P2RX7: variants seen among roughly 807,000 people sequenced by gnomAD.
P2RX7 encodes the protein purinergic receptor P2X 7.
Under a neutral mutation model 71.6 loss-of-function variants are expected in P2RX7, and 62 were observed. The observed-to-expected ratio is 0.87, with a 90% CI of 0.71 to 1.07. The LOEUF (loss-of-function observed/expected upper bound fraction) is 1.07. Ranked by LOEUF, P2RX7 falls within the 50% of genes least tolerant of loss-of-function variation. P2RX7 has a pLI of 0.00. For synonymous variants in P2RX7, 299 were observed against 283.3 expected, an observed-to-expected ratio of 1.06 and a Z score of -0.56; for missense variants, 686 against 748.5, an observed-to-expected ratio of 0.92 and a Z score of 0.97.
chr12:121,179,074 G>T (rs1199132430), intron 11 of P2RX7, among the ~76,000 whole-genome samples: 1 of 152,106 alleles, frequency 6.6e-6, no homozygotes, highest in Non-Finnish European at 1.5e-5. Context: ...TAGGGTGGGG[G>T]AGTAGGAGTA....
At chr12:121,161,053 G>C (rs1169799510) in intron 4 of P2RX7, 79 bp downstream of exon 4, 1 of 1,060,042 alleles carries the variant, frequency 9.4e-7, no homozygotes, top group Non-Finnish European at 1.5e-6. Flanking sequence ...CCCAGGTCAG[G>C]TCTTCAGCCT....
chr12:121,140,940 G>A (rs527756433), intron 1 of P2RX7, among the ~76,000 whole-genome samples: 54 of 152,128 alleles, frequency 3.5e-4, no homozygotes, highest in Admixed American at 5.9e-4. Flanking sequence ...ACAAAAATTA[G>A]CCAGACATGG....
At chr12:121,142,661 T>C (rs607094) in intron 1 of P2RX7, among the ~76,000 whole-genome samples, 17,472 of 152,096 alleles carry the variant, frequency 0.11, 1,390 homozygotes, top group African/African-American at 0.22. Flanking sequence ...ATCTTCAGAC[T>C]TCTCTGCCCT....
rs3751144 is a variant in P2RX7, at chr12:121,184,436, C to T, written c.1422C>T (p.Pro474=). The change falls in exon 13 of 13, where the codon CCC becomes CCT. Residue 474 remains proline, a synonymous_variant. Transcript: ENST00000328963. The part of the protein sequence containing the change: ...KEATPRSRDS[P]VWCQCGSCLP... ...CGACTCCTAGATCCAGGGATAGCCC[C>T]GTCTGGTGCCAGTGTGGAAGCTGCC... 156,335 of 1,613,982 alleles carry T rather than the reference C, an allele frequency of 0.097. 10,364 individuals are homozygous for T. The highest frequency in any genetic ancestry group is 0.31 in the Admixed American group (18,501 of 59,972).
chr12:121,164,783 G>GA (rs957421156), intron 5 of P2RX7, among the ~76,000 whole-genome samples: 13 of 151,458 alleles, frequency 8.6e-5, no homozygotes, highest in Non-Finnish European at 1.8e-4. Flanking sequence ...CTCCATCTCA[G>GA]AAAAAAATAA....
chr12:121,146,622 T>G (rs1195912858), intron 1 of P2RX7, among the ~76,000 whole-genome samples: 1 of 152,178 alleles, frequency 6.6e-6, no homozygotes, highest in Non-Finnish European at 1.5e-5. Flanking sequence ...GTGCACACTC[T>G]TGCTTTGCTG....
chr12:121,165,339 T>G lies in P2RX7; in HGVS notation c.534-18T>G, dbSNP rs200624061. 1.9e-6 allele frequency: 3 copies of G among 1,610,588 alleles called. No individual in the cohort carries two copies. Among genetic ancestry groups the G allele is most frequent in the African/African-American group, 1.3e-5 (1 of 74,858 alleles). On this transcript the variant is annotated intron_variant, in intron 5 of 12. Transcript: ENST00000328963. The stretch of plus-strand genomic sequence containing the variant: ...TTCCCCCCGTCACTAATGGCCATTT[T>G]GCATGTCTCTCTCCCAGGCCTGCTC...
intron 3 of P2RX7, among the ~76,000 whole-genome samples, chr12:121,160,158 C>CT (rs368803519): frequency 7.2e-6 from 1 of 139,826 alleles, no homozygotes; most frequent in East Asian, 2.1e-4. Flanking sequence ...TCCTTTCTTT[C>CT]TTTTTTTAGG....
intron 12 of P2RX7, among the ~76,000 whole-genome samples, chr12:121,183,600 C>T (rs1303838169): frequency 2.0e-5 from 3 of 150,964 alleles, no homozygotes; most frequent in African/African-American, 4.9e-5. Flanking sequence ...TACACACACA[C>T]ACACACACAC....
intron 9 of P2RX7, among the ~76,000 whole-genome samples, chr12:121,176,406 A>G (rs1883129049): frequency 6.6e-6 from 1 of 152,230 alleles, no homozygotes; most frequent in Admixed American, 6.5e-5. Context: ...GATAAGCAGG[A>G]CTAGAAGCAA....
chr12:121,150,151 C>T (rs1162356665), intron 1 of P2RX7, among the ~76,000 whole-genome samples: 1 of 152,150 alleles, frequency 6.6e-6, no homozygotes, highest in Non-Finnish European at 1.5e-5. Flanking sequence ...ATACTACAAA[C>T]TCACTTTCAT....
At chr12:121,166,536 A>G (rs908570264) in intron 7 of P2RX7, among the ~76,000 whole-genome samples, 4 of 152,102 alleles carry the variant, frequency 2.6e-5, no homozygotes, top group African/African-American at 9.7e-5. Flanking sequence ...ACTTTAAGGG[A>G]GAATCCAGTT....
chr12:121,163,292 A>C (rs1347637382), intron 5 of P2RX7, among the ~76,000 whole-genome samples: 1 of 151,742 alleles, frequency 6.6e-6, no homozygotes, highest in East Asian at 1.9e-4. Flanking sequence ...ATACTTGTAC[A>C]GTTATTGTAA....
intron 8 of P2RX7, among the ~76,000 whole-genome samples, chr12:121,174,048 CTTTTT>C (rs141344773): frequency 1.4e-5 from 1 of 73,910 alleles, no homozygotes. Context: ...CTTTTCTTTT[CTTTTT>C]TTTTTTTTTT....
Position 121,184,595 on chromosome 12 carries a change from G to A in P2RX7, c.1581G>A (p.Leu527=). Residue 527 remains leucine, a synonymous_variant, in exon 13 of 13, where the codon CTG becomes CTA. Coordinates refer to ENST00000328963, the MANE Select transcript of P2RX7 (RefSeq NM_002562.6). Reference sequence around the variant, plus strand: ...CCAGACACGTCCTGCAGTTCCTCCTGCTCTACCAGGAGCCCTTGCTGGCGC... The same window carrying A: ...CCAGACACGTCCTGCAGTTCCTCCTACTCTACCAGGAGCCCTTGCTGGCGC... ...VLSRHVLQFL[L]LYQEPLLALD... The A allele has an allele frequency of 1.2e-6, 2 of 1,613,830 alleles. No homozygotes were observed.
At chr12:121,160,756 A>C in intron 3 of P2RX7, 146 bp from the exon 4 acceptor site, 1 of 724,080 alleles carries the variant, frequency 1.4e-6, no homozygotes, top group Non-Finnish European at 2.6e-6. Context: ...GTCAGTGGCC[A>C]CTTGCGTGGT....
At chr12:121,176,237 AC>A (rs2136138831) in intron 9 of P2RX7, among the ~76,000 whole-genome samples, 1 of 134,592 alleles carries the variant, frequency 7.4e-6, no homozygotes, top group Non-Finnish European at 1.5e-5. Context: ...CAACACACAC[AC>A]ACACACACAC....
intron 8 of P2RX7, among the ~76,000 whole-genome samples, chr12:121,173,627 G>A (rs773226079): frequency 2.0e-5 from 3 of 152,214 alleles, no homozygotes; most frequent in Non-Finnish European, 2.9e-5. Context: ...GGTAAAGAAT[G>A]GTCCAGAGCT....
chr12:121,165,758 T>C (rs926340461), intron 6 of P2RX7, among the ~76,000 whole-genome samples: 1 of 152,240 alleles, frequency 6.6e-6, no homozygotes, highest in African/African-American at 2.4e-5. Context: ...CCTTGGTATA[T>C]GGTGGCTGGC....
Sources: allele counts gnomAD v4.1 joint callset (sites outside exome capture counted in the v4.1 genomes callset), GRCh38; gene constraint gnomAD v4.1.1; transcripts MANE v1.5; gene names NCBI Gene and HGNC (gene_info 2026-07-23, HGNC 2026-07-21).